SPAM1: variants seen among roughly 807,000 people sequenced by gnomAD.
SPAM1 encodes hyaluronidase PH-20.
Under a neutral mutation model 29.6 loss-of-function variants are expected in SPAM1, and 22 were observed. That is an observed-to-expected ratio of 0.74 (90% confidence interval 0.53 to 1.06). SPAM1 has a LOEUF of 1.06. Ranked by LOEUF, SPAM1 falls within the 50% of genes least tolerant of loss-of-function variation. The pLI is 0.00. For synonymous variants in SPAM1, 194 were observed against 204.6 expected (o/e 0.95, Z 0.44); for missense variants, 534 against 604.0 (o/e 0.88, Z 1.21).
intron 4 of SPAM1, among the ~76,000 whole-genome samples, chr7:123,958,289 A>G (rs1335484269): frequency 6.6e-6 from 1 of 152,028 alleles, no homozygotes; most frequent in Admixed American, 6.6e-5. Context: ...TGATTATGAA[A>G]AAAAGTGATC....
At chr7:123,937,149 A>G (rs1194450608) in intron 1 of SPAM1, among the ~76,000 whole-genome samples, 1 of 152,128 alleles carries the variant, frequency 6.6e-6, no homozygotes, top group African/African-American at 2.4e-5. Context: ...ATTGGCTTTT[A>G]TGGCTCCCAA....
chr7:123,944,243 A>C (rs1474520431), intron 1 of SPAM1, among the ~76,000 whole-genome samples: 1 of 151,980 alleles, frequency 6.6e-6, no homozygotes, highest in Non-Finnish European at 1.5e-5. Context: ...GGCATCTTCT[A>C]CTGGGTCTGA....
At chr7:123,967,303 T>C (rs1792437877) in intron 5 of SPAM1, among the ~76,000 whole-genome samples, 2 of 152,090 alleles carry the variant, frequency 1.3e-5, no homozygotes, top group Admixed American at 6.6e-5. Flanking sequence ...GGTATTACAA[T>C]GCTAAAATCA....
At chr7:123,940,540 G>A (rs1374754158) in intron 1 of SPAM1, among the ~76,000 whole-genome samples, 1 of 151,468 alleles carries the variant, frequency 6.6e-6, no homozygotes, top group Non-Finnish European at 1.5e-5. Context: ...CCGGGCTGGG[G>A]TGTGGTGGTG....
At chr7:123,939,430 G>C (rs1022403093) in intron 1 of SPAM1, among the ~76,000 whole-genome samples, 1 of 152,024 alleles carries the variant, frequency 6.6e-6, no homozygotes, top group Non-Finnish European at 1.5e-5. Flanking sequence ...ATCTGGGTGC[G>C]TCAGCCTTAC....
intron 1 of SPAM1, among the ~76,000 whole-genome samples, chr7:123,942,364 G>C (rs1808458437): frequency 6.6e-6 from 1 of 152,126 alleles, no homozygotes; most frequent in African/African-American, 2.4e-5. Flanking sequence ...CTGCCTCAGA[G>C]ACCTTTTTTC....
intron 1 of SPAM1, among the ~76,000 whole-genome samples, chr7:123,949,080 T>C (rs1295995206): frequency 5.9e-5 from 9 of 151,962 alleles, no homozygotes; most frequent in African/African-American, 1.2e-4. Flanking sequence ...TAAAATTTAT[T>C]TGAAAAAAAA....
intron 1 of SPAM1, chr7:123,932,137 G>A (rs1443347454): frequency 6.6e-6 from 1 of 152,200 alleles, no homozygotes; most frequent in African/African-American, 2.4e-5. Flanking sequence ...GTTGAAAATG[G>A]CAGTGGCAGC....
intron 2 of SPAM1, among the ~76,000 whole-genome samples, chr7:123,953,086 G>C (rs1205650568): frequency 2.0e-5 from 3 of 152,124 alleles, no homozygotes; most frequent in South Asian, 2.1e-4. Context: ...GCATTGCTTG[G>C]TACAGCATTC....
chr7:123,963,510 CTT>C (rs1174890785), downstream of SPAM1, among the ~76,000 whole-genome samples: 1 of 151,444 alleles, frequency 6.6e-6, no homozygotes, highest in African/African-American at 2.4e-5. Flanking sequence ...TTTTTTATCT[CTT>C]TATATTTTAT....
intron 4 of SPAM1, 99 bp downstream of exon 4, chr7:123,955,185 T>A: frequency 1.2e-6 from 1 of 804,508 alleles, no homozygotes; most frequent in Non-Finnish European, 2.1e-6. Flanking sequence ...GTACTATGCT[T>A]GGCATGTAGT....
rs1312242898 is a variant in SPAM1 at position 123,942,814 on chromosome 7, A to G, written c.-318-7058A>G. 2.6e-5 allele frequency among the ~76,000 whole-genome samples: 4 copies of G among 152,174 alleles called. No homozygotes were observed. The East Asian group carries it at 7.7e-4, about 29-fold the overall frequency. ...GGGCTTTTATTGCCTCTTTAATTCA[A>G]CTTTGATTCCTTAAAGGAGTCTGTA... is the stretch of plus-strand genomic sequence containing the variant. On this transcript the variant is annotated intron_variant, in intron 1 of 4. Coordinates refer to ENST00000682466, the MANE Select transcript of SPAM1 (RefSeq NM_153189.3).
At chr7:123,952,784 C>T (rs1035763388) in intron 2 of SPAM1, among the ~76,000 whole-genome samples, 30 of 151,386 alleles carry the variant, frequency 2.0e-4, no homozygotes, top group Non-Finnish European at 2.7e-4. Flanking sequence ...GATCGAGCAG[C>T]GTACCAAGGA....
At chr7:123,934,644 G>A (rs908714585) in intron 1 of SPAM1, among the ~76,000 whole-genome samples, 1 of 152,114 alleles carries the variant, frequency 6.6e-6, no homozygotes, top group South Asian at 2.1e-4. Flanking sequence ...AAACCTAATG[G>A]AATACAATTC....
chr7:123,953,628 G>T lies in SPAM1; in HGVS notation c.58G>T (p.Val20Leu), dbSNP rs1792169498. 2 of 1,610,992 alleles carry T rather than the reference G, an allele frequency of 1.2e-6. No homozygotes were observed. The highest frequency in any genetic ancestry group is 1.7e-6 in the Non-Finnish European group (2 of 1,178,964). ...CAGAAGCTTTGTTAAATCAAGTGGA[G>T]TATCCCAGATAGTTTTCACCTTCCT... is the stretch of plus-strand genomic sequence containing the variant. ...FFRSFVKSSGVSQIVFTFLLI... is the reference protein window; with the variant it reads ...FFRSFVKSSGLSQIVFTFLLI... Residue 20 changes from valine to leucine, a missense_variant, in exon 3 of 5, where the codon GTA becomes TTA. Val to Leu is a conservative substitution (Grantham distance 32, BLOSUM62 1). Coordinates refer to ENST00000682466, the MANE Select transcript of SPAM1 (RefSeq NM_153189.3).
chr7:123,966,196 A>G (rs938577184), intron 5 of SPAM1, among the ~76,000 whole-genome samples: 13 of 152,124 alleles, frequency 8.5e-5, no homozygotes, highest in African/African-American at 3.1e-4. Flanking sequence ...TCATTAGAGA[A>G]ACGAAAATCA....
downstream of SPAM1, among the ~76,000 whole-genome samples, chr7:123,962,646 G>A (rs1387784513): frequency 6.6e-6 from 1 of 151,586 alleles, no homozygotes; most frequent in Non-Finnish European, 1.5e-5. Flanking sequence ...ATAGCTTCAG[G>A]TCTTAACATT....
chr7:123,956,778 C>T (rs1792255937), intron 4 of SPAM1, among the ~76,000 whole-genome samples: 1 of 151,950 alleles, frequency 6.6e-6, no homozygotes, highest in African/African-American at 2.4e-5. Context: ...TAATAATGTG[C>T]TACTTCACAC....
At chr7:123,969,296 G>T (rs1792467701) in intron 5 of SPAM1, among the ~76,000 whole-genome samples, 1 of 151,922 alleles carries the variant, frequency 6.6e-6, no homozygotes, top group South Asian at 2.1e-4. Flanking sequence ...ATTTAACGTA[G>T]TCCCATTTGT....
Sources: gnomAD v4.1 joint callset for allele counts (sites outside exome capture counted in the v4.1 genomes callset) on GRCh38, gnomAD v4.1.1 for gene constraint, MANE v1.5 for transcripts, NCBI Gene and HGNC (gene_info 2026-07-23, HGNC 2026-07-21) for gene names.